The following NCK1 variants were observed in gnomAD, a reference collection of about 807,000 sequenced individuals.
NCK1 encodes SH2/SH3 adapter protein NCK1.
NCK1 carries 19 observed loss-of-function variants against 36.6 expected under a neutral mutation model. That is an observed-to-expected ratio of 0.52 (90% CI 0.36 to 0.76). The LOEUF is 0.76. Among genes scored for constraint, NCK1 ranks in the 30% least tolerant of loss-of-function variants. The pLI is 0.00. For missense variants in NCK1, 358 were observed against 445.6 expected, an observed-to-expected ratio of 0.80 and a Z score of 1.77; for synonymous variants, 165 against 156.0, an observed-to-expected ratio of 1.06 and a Z score of -0.43.
intron 1 of NCK1, among the ~76,000 whole-genome samples, chr3:136,885,933 T>C (rs1939063353): frequency 6.6e-6 from 1 of 152,224 alleles, no homozygotes; most frequent in African/African-American, 2.4e-5. Context: ...TATTTTGGCA[T>C]GTTTTTAATA....
intron 1 of NCK1, among the ~76,000 whole-genome samples, chr3:136,918,447 T>C (rs563970150): frequency 6.6e-6 from 1 of 152,328 alleles, no homozygotes; most frequent in South Asian, 2.1e-4. Context: ...TAGAGATGAC[T>C]TAACGTATAC....
intron 1 of NCK1, among the ~76,000 whole-genome samples, chr3:136,924,616 T>A (rs1229988657): frequency 6.6e-6 from 1 of 152,254 alleles, no homozygotes; most frequent in East Asian, 1.9e-4. Context: ...AATGAGCTTT[T>A]GAAAATATAC....
chr3:136,951,517 T>A lies in NCK1; in HGVS notation c.*3064T>A, dbSNP rs1039625144. On this transcript the variant is annotated 3_prime_UTR_variant, in exon 4 of 4. Transcript: ENST00000481752. ...CCCACAAGTCAACAATGAGCTGGAA[T>A]CTAATATGGATGGTCCTCTTATCTT... Among the ~76,000 whole-genome samples the A allele has an allele frequency of 1.3e-5, 2 of 152,156 alleles. No individual in the cohort carries two copies. The highest frequency in any genetic ancestry group is 4.8e-5 in the African/African-American group (2 of 41,444).
chr3:136,921,259 A>G (rs1485741904), intron 1 of NCK1, among the ~76,000 whole-genome samples: 2 of 152,226 alleles, frequency 1.3e-5, no homozygotes, highest in African/African-American at 4.8e-5. Context: ...AGAGAACAAA[A>G]TCACTTTCAG....
chr3:136,936,714 A>T (rs531153938), intron 2 of NCK1, among the ~76,000 whole-genome samples: 2 of 152,152 alleles, frequency 1.3e-5, no homozygotes, highest in East Asian at 3.9e-4. Context: ...TTTGATTTAC[A>T]TTTCTCTAAT....
At position 136,933,871 on chromosome 3, in the gene NCK1, AT is replaced by A. The variant is rs554534211; in HGVS notation, c.226+5652del. Among the ~76,000 whole-genome samples, 661 of 151,398 alleles carry A rather than the reference AT, an allele frequency of 4.4e-3. 5 individuals carry two copies. The highest frequency in any genetic ancestry group is 0.014 in the African/African-American group (578 of 41,256). ...AGGTGCATGCCACCACACCTGGCTA[AT>A]TTTTTTTGTATTTTTAGTAGAGATG... On this transcript the variant is annotated intron_variant, in intron 2 of 3. Coordinates refer to ENST00000481752, the MANE Select transcript of NCK1 (RefSeq NM_001291999.2).
At chr3:136,911,039 T>A (rs547675810) in intron 1 of NCK1, among the ~76,000 whole-genome samples, 2 of 152,200 alleles carry the variant, frequency 1.3e-5, no homozygotes, top group South Asian at 2.1e-4. Flanking sequence ...GCTTATTTAA[T>A]TTAGCATAAA....
chr3:136,906,402 G>A (rs748212318), intron 1 of NCK1, among the ~76,000 whole-genome samples: 1 of 152,188 alleles, frequency 6.6e-6, no homozygotes, highest in Non-Finnish European at 1.5e-5. Flanking sequence ...GAGCCACCAT[G>A]CCTGGCCTGT....
intron 1 of NCK1, among the ~76,000 whole-genome samples, chr3:136,890,374 C>A (rs1035422569): frequency 6.6e-6 from 1 of 152,022 alleles, no homozygotes; most frequent in East Asian, 1.9e-4. Flanking sequence ...TTCCCGCTGG[C>A]GCCTCTCCCT....
At position 136,937,362 on chromosome 3, in the gene NCK1, G is replaced by A. The variant is rs1271602080; in HGVS notation, c.227-8221G>A. Reference sequence around the variant, plus strand: ...CCAATACCACACTGTTTTGATTACTGTGGCTTTGTAGTAAGTTTTGAAATC... The same window carrying A: ...CCAATACCACACTGTTTTGATTACTATGGCTTTGTAGTAAGTTTTGAAATC... On this transcript the variant is annotated intron_variant, in intron 2 of 3. Coordinates refer to ENST00000481752, the MANE Select transcript of NCK1 (RefSeq NM_001291999.2). Among the ~76,000 whole-genome samples, 5 of 152,236 alleles carry A rather than the reference G, an allele frequency of 3.3e-5. No homozygotes were observed. The East Asian group carries it at 9.7e-4, about 29-fold the overall frequency.
chr3:136,891,032 C>T (rs917770479), intron 1 of NCK1, among the ~76,000 whole-genome samples: 6 of 152,330 alleles, frequency 3.9e-5, no homozygotes, highest in Non-Finnish European at 5.9e-5. Context: ...ATAGTGTCTT[C>T]AAGGTTTATT....
chr3:136,893,563 G>A (rs571748342), intron 1 of NCK1, among the ~76,000 whole-genome samples: 1 of 152,226 alleles, frequency 6.6e-6, no homozygotes, highest in East Asian at 1.9e-4. Flanking sequence ...TGTATAGATG[G>A]TGAAGATTTT....
chr3:136,871,582 T>G (rs2108068139), intron 1 of NCK1, among the ~76,000 whole-genome samples: 1 of 152,328 alleles, frequency 6.6e-6, no homozygotes, highest in South Asian at 2.1e-4. Flanking sequence ...TCAGTGTCTC[T>G]TTCCCTCTCA....
In NCK1 at chr3:136,951,577, T is replaced by C. The variant is rs1380364732; in HGVS notation, c.*3124T>C. ...ACATGGTGAAAAAATTCAAACAGTATAATAAAGTCTTCTTTCAAGTCAAAA... is the reference window on the plus strand; with the variant it reads ...ACATGGTGAAAAAATTCAAACAGTACAATAAAGTCTTCTTTCAAGTCAAAA... On this transcript the variant is annotated 3_prime_UTR_variant, in exon 4 of 4. Transcript: ENST00000481752. Among the ~76,000 whole-genome samples the C allele has an allele frequency of 6.6e-6, 1 of 152,166 alleles. No homozygotes were observed. The highest frequency in any genetic ancestry group is 1.5e-5 in the Non-Finnish European group (1 of 68,018).
intron 2 of NCK1, among the ~76,000 whole-genome samples, chr3:136,937,250 A>T (rs958730097): frequency 4.6e-5 from 7 of 152,166 alleles, no homozygotes; most frequent in African/African-American, 1.7e-4. Flanking sequence ...TCTTGGCACC[A>T]TTGATGAAAA....
Position 136,946,160 on chromosome 3 carries a change from C to T in NCK1, c.804C>T (p.Tyr268=), listed in dbSNP as rs1364891837. ...AACCATCACCTCCACAGTGTGATTA[C>T]ATTAGGCCTTCACTCACTGGAAAGT... is the stretch of plus-strand genomic sequence containing the variant. ...GLEPSPPQCD[Y]IRPSLTGKFA... Residue 268 remains tyrosine (Y), a synonymous_variant, in exon 3 of 4, where the codon TAC becomes TAT. Coordinates refer to ENST00000481752, the MANE Select transcript of NCK1 (RefSeq NM_001291999.2). 15 of 1,613,492 alleles carry T rather than the reference C, an allele frequency of 9.3e-6. No individual in the cohort carries two copies. The highest frequency in any genetic ancestry group is 1.3e-5 in the Non-Finnish European group (15 of 1,179,890).
intron 1 of NCK1, among the ~76,000 whole-genome samples, chr3:136,886,567 C>T (rs567407428): frequency 5.1e-4 from 77 of 151,860 alleles, no homozygotes; most frequent in African/African-American, 1.7e-3. Context: ...TTTAAATCCA[C>T]GGCTGGTTGA....
chr3:136,880,962 C>T (rs1028637585), intron 1 of NCK1, among the ~76,000 whole-genome samples: 40 of 152,250 alleles, frequency 2.6e-4, no homozygotes, highest in Admixed American at 1.1e-3. Flanking sequence ...CTGCTTTCTG[C>T]GCTCTACCCT....
intron 1 of NCK1, among the ~76,000 whole-genome samples, chr3:136,883,612 C>T (rs1038184931): frequency 3.3e-5 from 5 of 152,118 alleles, no homozygotes; most frequent in South Asian, 2.1e-4. Context: ...AGGTGTCTGT[C>T]GTGCTCACTG....
Sources: allele counts gnomAD v4.1 joint callset (sites outside exome capture counted in the v4.1 genomes callset), GRCh38; gene constraint gnomAD v4.1.1; transcripts MANE v1.5; gene names NCBI Gene and HGNC (gene_info 2026-07-23, HGNC 2026-07-21).